The following PIK3C2G variants were observed in gnomAD, a reference collection of about 807,000 sequenced individuals.
The protein encoded by PIK3C2G is phosphatidylinositol-4-phosphate 3-kinase catalytic subunit type 2 gamma, also known as phosphatidylinositol 3-kinase C2 domain-containing subunit gamma.
A neutral mutation model predicts 181.1 loss-of-function variants in PIK3C2G; 168 were observed. The ratio of observed to expected loss-of-function variants is 0.93; its 90% CI spans 0.82 to 1.05. The LOEUF is 1.05. Among genes scored for constraint, PIK3C2G ranks in the 50% least tolerant of loss-of-function variants. The pLI is 0.00. For synonymous variants in PIK3C2G, 573 were observed against 592.2 expected, an observed-to-expected ratio of 0.97 and a Z score of 0.47; for missense variants, 1,869 against 1,732.8, an observed-to-expected ratio of 1.08 and a Z score of -1.40.
the PIK3C2G span, among the ~76,000 whole-genome samples, chr12:18,659,515 C>A: frequency 6.6e-6 from 1 of 152,122 alleles, no homozygotes; most frequent in Non-Finnish European, 1.5e-5. Flanking sequence ...AATTACATAA[C>A]TATCATTTAA....
chr12:18,404,584 TTC>T (rs1305241030), intron 16 of PIK3C2G, among the ~76,000 whole-genome samples: 1 of 152,172 alleles, frequency 6.6e-6, no homozygotes, highest in Non-Finnish European at 1.5e-5. Context: ...CATAGGAATT[TTC>T]TGAGTGGAGA....
At chr12:18,716,944 CAA>C in the PIK3C2G span, among the ~76,000 whole-genome samples, 4 of 151,944 alleles carry the variant, frequency 2.6e-5, no homozygotes. Flanking sequence ...TCGAGATACA[CAA>C]TGGTTATATC....
At chr12:18,542,741 A>AT (rs1944227550) in intron 25 of PIK3C2G, among the ~76,000 whole-genome samples, 1 of 151,800 alleles carries the variant, frequency 6.6e-6, no homozygotes, top group Non-Finnish European at 1.5e-5. Flanking sequence ...ACATGATCTC[A>AT]TTTTTTTGTA....
At chr12:18,547,530 C>T (rs1944496099) in intron 26 of PIK3C2G, among the ~76,000 whole-genome samples, 1 of 151,956 alleles carries the variant, frequency 6.6e-6, no homozygotes, top group East Asian at 1.9e-4. Flanking sequence ...GTCTTGCCCA[C>T]AATTAGTAGA....
chr12:18,640,013 A>G (rs1949773684), intron 31 of PIK3C2G, among the ~76,000 whole-genome samples: 1 of 151,820 alleles, frequency 6.6e-6, no homozygotes, highest in Non-Finnish European at 1.5e-5. Flanking sequence ...ATTAAATGCT[A>G]CATCTCATTT....
chr12:18,345,558 G>A (rs535215543), intron 10 of PIK3C2G, among the ~76,000 whole-genome samples: 1 of 152,110 alleles, frequency 6.6e-6, no homozygotes, highest in Non-Finnish European at 1.5e-5. Context: ...TGTCAAGCTG[G>A]CCCCTTTCCT....
At chr12:18,592,986 T>A (rs1028080991) in intron 29 of PIK3C2G, among the ~76,000 whole-genome samples, 1 of 151,934 alleles carries the variant, frequency 6.6e-6, no homozygotes, top group Non-Finnish European at 1.5e-5. Flanking sequence ...GATATAAAGA[T>A]GTCTGTAGGG....
intron 18 of PIK3C2G, among the ~76,000 whole-genome samples, chr12:18,479,075 CTATG>C (rs1467052849): frequency 1.3e-5 from 2 of 149,554 alleles, no homozygotes; most frequent in African/African-American, 2.5e-5. Context: ...TAAAATATAT[CTATG>C]TATGTATAAA....
intron 18 of PIK3C2G, among the ~76,000 whole-genome samples, chr12:18,460,964 G>A (rs192543941): frequency 5.9e-5 from 9 of 152,146 alleles, no homozygotes; most frequent in African/African-American, 1.9e-4. Context: ...GATCAAATGA[G>A]TTAATACACG....
intron 21 of PIK3C2G, among the ~76,000 whole-genome samples, 174 bp downstream of exon 21, chr12:18,496,328 T>C (rs905703237): frequency 6.6e-6 from 1 of 152,154 alleles, no homozygotes; most frequent in Non-Finnish European, 1.5e-5. Flanking sequence ...AAACTCCAAT[T>C]GGCAATAAAT....
chr12:18,442,874 ATT>A (rs201145589), intron 18 of PIK3C2G, among the ~76,000 whole-genome samples: 6 of 143,870 alleles, frequency 4.2e-5, no homozygotes, highest in Admixed American at 7.0e-5. Context: ...AATATCCTAC[ATT>A]TTTTTTTTTT....
chr12:18,623,749 C>A (rs1295550837), intron 31 of PIK3C2G, among the ~76,000 whole-genome samples: 1 of 151,538 alleles, frequency 6.6e-6, no homozygotes, highest in Admixed American at 6.6e-5. Flanking sequence ...GTGTACAGGT[C>A]TTTTGCCTCC....
chr12:18,675,880 G>A, the PIK3C2G span, among the ~76,000 whole-genome samples: 1 of 151,850 alleles, frequency 6.6e-6, no homozygotes, highest in African/African-American at 2.4e-5. Context: ...AGGGTGGGAG[G>A]GGGGTGAGGT....
At position 18,292,078 on chromosome 12, in the gene PIK3C2G, C is replaced by T. The variant is rs562619849; in HGVS notation, c.919+1066C>T. On this transcript the variant is annotated intron_variant, in intron 4 of 32. Transcript: ENST00000538779. The stretch of plus-strand genomic sequence containing the variant: ...ACAAAAAATTAGCCAGGTGTGATGG[C>T]GCATGCCTGTAATCCCAGCTACTCA... Among the ~76,000 whole-genome samples, 36 of 150,104 alleles carry T rather than the reference C, an allele frequency of 2.4e-4. No individual in the cohort carries two copies. In the South Asian group the frequency reaches 4.2e-3, roughly 18 times the overall value.
intron 1 of PIK3C2G, among the ~76,000 whole-genome samples, chr12:18,264,138 A>C (rs920017183): frequency 3.3e-5 from 5 of 152,280 alleles, no homozygotes; most frequent in Admixed American, 6.5e-5. Context: ...GTATTATCTA[A>C]AAATTTAACA....
chr12:18,448,487 A>G (rs1204834765), intron 18 of PIK3C2G, among the ~76,000 whole-genome samples: 1 of 152,100 alleles, frequency 6.6e-6, no homozygotes, highest in Non-Finnish European at 1.5e-5. Context: ...TGTACGTTAG[A>G]TCTCTAGACT....
intron 24 of PIK3C2G, among the ~76,000 whole-genome samples, chr12:18,528,571 C>T (rs533225269): frequency 7.9e-5 from 12 of 152,306 alleles, no homozygotes; most frequent in African/African-American, 2.9e-4. Context: ...TATTTACTGA[C>T]TTTATCAGTT....
intron 29 of PIK3C2G, among the ~76,000 whole-genome samples, chr12:18,583,655 C>T (rs1006740220): frequency 2.0e-5 from 3 of 152,144 alleles, no homozygotes; most frequent in African/African-American, 7.2e-5. Context: ...CTGGTCATCA[C>T]TTCTTACTAG....
At chr12:18,695,844 G>A in the PIK3C2G span, among the ~76,000 whole-genome samples, 2 of 152,066 alleles carry the variant, frequency 1.3e-5, no homozygotes, top group African/African-American at 4.8e-5. Flanking sequence ...CTCAAGCAAA[G>A]GAATTTGATC....
Sources: gnomAD v4.1 joint callset for allele counts (sites outside exome capture counted in the v4.1 genomes callset) on GRCh38, gnomAD v4.1.1 for gene constraint, MANE v1.5 for transcripts, NCBI Gene and HGNC (gene_info 2026-07-23, HGNC 2026-07-21) for gene names.